SYT2: variants seen among roughly 807,000 people sequenced by gnomAD.
SYT2 encodes the protein synaptotagmin-2.
A neutral mutation model predicts 39.9 loss-of-function variants in SYT2; 15 were observed. That is an observed-to-expected ratio of 0.38 (90% CI 0.25 to 0.58). SYT2 has a LOEUF of 0.58. Ranked by LOEUF, SYT2 falls within the 20% of genes least tolerant of loss-of-function variation. SYT2 has a pLI of 0.70. For missense variants in SYT2, 389 were observed against 530.3 expected, an observed-to-expected ratio of 0.73 and a Z score of 2.62; for synonymous variants, 181 against 204.5, an observed-to-expected ratio of 0.89 and a Z score of 0.98.
intron 1 of SYT2, among the ~76,000 whole-genome samples, chr1:202,625,776 A>G (rs575171706): frequency 5.8e-4 from 89 of 152,174 alleles, no homozygotes; most frequent in African/African-American, 2.1e-3. Flanking sequence ...CCGGAGGCAG[A>G]AGGAGGCTCC....
At chr1:202,685,685 T>C (rs1162967074) in intron 1 of SYT2, among the ~76,000 whole-genome samples, 1 of 152,136 alleles carries the variant, frequency 6.6e-6, no homozygotes, top group African/African-American at 2.4e-5. Flanking sequence ...CATTATTCCT[T>C]TTTAATGCTG....
At chr1:202,687,122 G>T (rs12032489) in intron 1 of SYT2, among the ~76,000 whole-genome samples, 1 of 151,848 alleles carries the variant, frequency 6.6e-6, no homozygotes, top group Non-Finnish European at 1.5e-5. Flanking sequence ...GCTTAGCAAA[G>T]CACCTGCCCT....
chr1:202,598,776 G>A (rs1690389870), intron 8 of SYT2, among the ~76,000 whole-genome samples: 1 of 152,194 alleles, frequency 6.6e-6, no homozygotes, highest in South Asian at 2.1e-4. Flanking sequence ...AGGGTGGAGG[G>A]AGAGAGGAGA....
chr1:202,689,810 G>C (rs1653771826), intron 1 of SYT2, among the ~76,000 whole-genome samples: 2 of 151,940 alleles, frequency 1.3e-5, no homozygotes, highest in South Asian at 4.2e-4. Flanking sequence ...GGGCAGTGTA[G>C]ACACCCCCAC....
chr1:202,670,927 A>T (rs560236636), intron 1 of SYT2, among the ~76,000 whole-genome samples: 1 of 152,354 alleles, frequency 6.6e-6, no homozygotes, highest in Admixed American at 6.5e-5. Flanking sequence ...CTGGATTCTA[A>T]ATGTTCACCA....
chr1:202,655,570 G>A (rs1443474270), intron 1 of SYT2, among the ~76,000 whole-genome samples: 1 of 152,136 alleles, frequency 6.6e-6, no homozygotes, highest in African/African-American at 2.4e-5. Flanking sequence ...ACCCTTGCAG[G>A]AGAGGTGTTC....
chr1:202,684,271 T>C (rs1041609970), intron 1 of SYT2, among the ~76,000 whole-genome samples: 1 of 152,164 alleles, frequency 6.6e-6, no homozygotes, highest in African/African-American at 2.4e-5. Flanking sequence ...CCTACATGAC[T>C]GCAAGTTGTA....
chr1:202,604,175 T>TTA, intron 3 of SYT2: 1 of 346,490 alleles, frequency 2.9e-6, no homozygotes, highest in Non-Finnish European at 5.2e-6. Context: ...GCTGTCTCTT[T>TTA]CCAACATTTT....
chr1:202,698,112 A>ACC (rs56124443), intron 1 of SYT2, among the ~76,000 whole-genome samples: 3,442 of 150,340 alleles, frequency 0.023, 125 homozygotes, highest in African/African-American at 0.079. Flanking sequence ...GGGTCTCACC[A>ACC]CCCCCCCAAG....
Position 202,602,406 on chromosome 1 carries a change from G to A in SYT2, c.605C>T (p.Pro202Leu). 6.2e-7 allele frequency: 1 copy of A among 1,614,154 alleles called. No homozygotes were observed. Among genetic ancestry groups the A allele is most frequent in the South Asian group, 1.1e-5 (1 of 91,078 alleles). ...ETKVHRKTLN[P>L]AFNETFTFKV... Reference sequence around the variant, plus strand: ...GAAGGTGAAGGTTTCATTGAAGGCAGGGTTCAGTGTCTTCCGATGGACTTT... The same window carrying A: ...GAAGGTGAAGGTTTCATTGAAGGCAAGGTTCAGTGTCTTCCGATGGACTTT... Residue 202 changes from proline (P) to leucine (L), a missense_variant, in exon 5 of 9, where the codon CCT (proline) becomes CTT (leucine). Physicochemically the swap from Pro to Leu is moderately conservative, Grantham distance 98. Around this residue, in one of 4 missense-constraint regions of SYT2, gnomAD observed 280 missense variants for 335.6 expected, o/e 0.83. Coordinates refer to ENST00000367268, the MANE Select transcript of SYT2 (RefSeq NM_177402.5).
rs1690286354 is a variant in SYT2, at chr1:202,596,286, C to CACACACACACACACAT, written c.*470_*471insATGTGTGTGTGTGTGT. The CACACACACACACACAT allele has an allele frequency of 2.2e-5, 2 of 90,754 alleles. No individual in the cohort carries two copies. The highest frequency in any genetic ancestry group is 5.0e-5 in the African/African-American group (1 of 19,926). 5.6% of individuals were successfully genotyped at this position (90,754 alleles called of 1,614,324 possible). A position where few individuals can be genotyped will look rare whatever the true frequency, so the allele number is the denominator to read the frequency against. ...GCTCAAAGACACACACACACACACA[C>CACACACACACACACAT]ACACACACACACACACACACATACA... On this transcript the variant is annotated 3_prime_UTR_variant, in exon 9 of 9. Coordinates refer to ENST00000367268, the MANE Select transcript of SYT2 (RefSeq NM_177402.5).
At chr1:202,629,356 T>C (rs1391000752) in intron 1 of SYT2, among the ~76,000 whole-genome samples, 1 of 152,078 alleles carries the variant, frequency 6.6e-6, no homozygotes, top group East Asian at 1.9e-4. Context: ...CAGCCCACCT[T>C]CCCCAATACT....
intron 1 of SYT2, among the ~76,000 whole-genome samples, chr1:202,697,520 A>G (rs544415204): frequency 2.0e-4 from 31 of 152,368 alleles, no homozygotes; most frequent in South Asian, 6.2e-4. Flanking sequence ...AACCTCACGC[A>G]AGAAGGAAAT....
chr1:202,599,290 G>A lies in SYT2; in HGVS notation c.981C>T (p.Thr327=), dbSNP rs774761571. 32 of 1,609,916 alleles carry A rather than the reference G, an allele frequency of 2.0e-5. No individual in the cohort carries two copies. Among genetic ancestry groups the A allele is most frequent in the African/African-American group, 4.0e-5 (3 of 74,550 alleles). The change falls in exon 8 of 9, where the codon ACC becomes ACT. Residue 327 remains threonine, a synonymous_variant. Coordinates refer to ENST00000367268, the MANE Select transcript of SYT2 (RefSeq NM_177402.5). The surrounding 1 kb of genome is among the most constrained non-coding windows in gnomAD (Gnocchi z 4.4). ...NGKRLKKKKT[T]VKKKTLNPYF... is the part of the protein sequence containing the mutation. ...ATGGGTTCAGGGTCTTCTTCTTCAC[G>A]GTTGTCTTCTTCTTCTTGAGCCTCT...
rs111666730 is a variant in SYT2, at chr1:202,617,167, C to T, written c.-17-11378G>A. Among the ~76,000 whole-genome samples the T allele has an allele frequency of 4.7e-3, 722 of 152,318 alleles. 4 individuals carry two copies. Among genetic ancestry groups the T allele is most frequent in the African/African-American group, 0.016 (679 of 41,566 alleles). ...CCCTAATACACTGTATTACCCTCTTCGGGGCCTTTGTATATGCTGTGCCCC... is the reference window on the plus strand; with the variant it reads ...CCCTAATACACTGTATTACCCTCTTTGGGGCCTTTGTATATGCTGTGCCCC... On this transcript the variant is annotated intron_variant, in intron 1 of 8. Coordinates refer to ENST00000367268, the MANE Select transcript of SYT2 (RefSeq NM_177402.5).
intron 1 of SYT2, among the ~76,000 whole-genome samples, chr1:202,687,666 C>CA (rs59844832): frequency 0.051 from 4,308 of 83,660 alleles, 183 homozygotes; most frequent in East Asian, 0.21. Flanking sequence ...AACTCCATCT[C>CA]AAAAAAAAAA....
chr1:202,672,263 G>A (rs760207502), intron 1 of SYT2, among the ~76,000 whole-genome samples: 2 of 152,204 alleles, frequency 1.3e-5, no homozygotes, highest in African/African-American at 2.4e-5. Flanking sequence ...GTTGAAATTC[G>A]TTTAACCCCC....
At chr1:202,653,842 C>T (rs1315039484) in intron 1 of SYT2, among the ~76,000 whole-genome samples, 1 of 152,204 alleles carries the variant, frequency 6.6e-6, no homozygotes, top group Non-Finnish European at 1.5e-5. Flanking sequence ...GTCAAGGAGG[C>T]TGGGAGCCTG....
At chr1:202,646,823 C>G (rs1692093306) in intron 1 of SYT2, among the ~76,000 whole-genome samples, 1 of 152,150 alleles carries the variant, frequency 6.6e-6, no homozygotes, top group Non-Finnish European at 1.5e-5. Flanking sequence ...CTAACTATCC[C>G]TCCCCTTCCT....
Sources: allele counts gnomAD v4.1 joint callset (sites outside exome capture counted in the v4.1 genomes callset), GRCh38; gene constraint gnomAD v4.1.1; regional missense constraint gnomAD v4.1.1; non-coding constraint Gnocchi (gnomAD v3.1); transcripts MANE v1.5; gene names NCBI Gene and HGNC (gene_info 2026-07-23, HGNC 2026-07-21).